Variants in CROCC observed in about 807,000 individuals in gnomAD.
The protein encoded by CROCC is rootletin.
CROCC carries 180 observed loss-of-function variants against 245.2 expected under a neutral mutation model. The observed-to-expected ratio is 0.73, with a 90% CI of 0.65 to 0.83. The LOEUF (loss-of-function observed/expected upper bound fraction) is 0.83. Among genes scored for constraint, CROCC ranks in the 40% least tolerant of loss-of-function variants. The pLI is 0.00. For synonymous variants in CROCC, 1,205 were observed against 1,241.6 expected (o/e 0.97, Z 0.62); for missense variants, 2,688 against 2,779.4 (o/e 0.97, Z 0.74).
In CROCC at chr1:16,922,035, C is replaced by T. The variant is rs368239934; in HGVS notation, c.17C>T (p.Ala6Val). The T allele has an allele frequency of 1.5e-5, 23 of 1,550,348 alleles. No homozygotes were observed. Among genetic ancestry groups the T allele is most frequent in the African/African-American group, 4.1e-5 (3 of 73,112 alleles). Reference sequence around the variant, plus strand: ...CTCCCCCCCATGAGCTTGGGGCTGGCGGGGGCACAGGAGGTGGAGCTGACA... The same window carrying T: ...CTCCCCCCCATGAGCTTGGGGCTGGTGGGGGCACAGGAGGTGGAGCTGACA... MSLGL[A>V]GAQEVELTLE... The change falls in exon 1 of 37, where the codon GCG becomes GTG. Residue 6 changes from alanine (A) to valine (V), a missense_variant. By Grantham distance (64) the Ala-to-Val change is moderately conservative. Transcript: ENST00000375541.
At chr1:16,956,183 C>T (rs1286186169) in intron 25 of CROCC, 27 bp downstream of exon 25, 4 of 1,499,594 alleles carry the variant, frequency 2.7e-6, no homozygotes, top group Non-Finnish European at 3.6e-6. Context: ...ACCCCTTAGC[C>T]TGGGGCTTGC....
rs2075934515 is a variant in CROCC, at chr1:16,941,624, TG to T, written c.1808+1533del. The stretch of plus-strand genomic sequence containing the variant: ...GCAGGCACCTATAGTCCCAGCTACT[TG>T]GAAGACTGAGGCAGGAGAATGGCCT... On this transcript the variant is annotated intron_variant, in intron 13 of 36. Transcript: ENST00000375541. 2.0e-5 allele frequency among the ~76,000 whole-genome samples: 3 copies of T among 151,268 alleles called. No individual in the cohort carries two copies. In the Admixed American group the frequency reaches 2.0e-4, roughly 10 times the overall value.
chr1:16,930,083 GC>G (rs1338647724), intron 4 of CROCC, 40 bp from the exon 5 acceptor site: 3 of 1,573,044 alleles, frequency 1.9e-6, no homozygotes, highest in Non-Finnish European at 2.6e-6. Context: ...ACTTTGCCCC[GC>G]CCCAACCCCT....
At chr1:16,939,188 G>C in intron 12 of CROCC, 46 bp downstream of exon 12, 1 of 1,312,844 alleles carries the variant, frequency 7.6e-7, no homozygotes, top group South Asian at 1.7e-5. Context: ...AGGCCTGGGG[G>C]AGGGGCTCGC....
upstream of CROCC, among the ~76,000 whole-genome samples, chr1:16,918,673 G>A (rs1286675460): frequency 1.2e-4 from 19 of 152,300 alleles, no homozygotes; most frequent in Non-Finnish European, 2.5e-4. Flanking sequence ...CTGCCTAGAG[G>A]TAGAAGAGTG....
chr1:16,964,923 C>T (rs1336613545), intron 27 of CROCC, among the ~76,000 whole-genome samples: 1 of 152,162 alleles, frequency 6.6e-6, no homozygotes, highest in African/African-American at 2.4e-5. Flanking sequence ...TCAGGTGATC[C>T]ACCTGCCTTG....
chr1:16,970,032 G>C (rs1313088042), intron 33 of CROCC, 98 bp downstream of exon 33: 1 of 1,430,862 alleles, frequency 7.0e-7, no homozygotes, highest in Non-Finnish European at 9.3e-7. Context: ...CCAAACCCTG[G>C]TGCAGCCTCC....
intron 26 of CROCC, among the ~76,000 whole-genome samples, chr1:16,960,008 T>C (rs28624493): frequency 0.17 from 25,003 of 151,346 alleles, 2,318 homozygotes; most frequent in African/African-American, 0.23. Context: ...GGCTCACACC[T>C]GTAATCCCAG....
rs1161455124 is a variant in CROCC, at chr1:16,930,225, G to C, written c.621+18G>C. ...GGCTGAGGGTGGGTGCCAGTGTGGG[G>C]CAGGGGCAGGCCCTGCCCTCCACCT... On this transcript the variant is annotated intron_variant, in intron 5 of 36. Coordinates refer to ENST00000375541, the MANE Select transcript of CROCC (RefSeq NM_014675.5). 2 of 1,586,142 alleles carry C rather than the reference G, an allele frequency of 1.3e-6. No homozygotes were observed. Among genetic ancestry groups the C allele is most frequent in the Non-Finnish European group, 1.7e-6 (2 of 1,167,052 alleles).
At chr1:16,936,072 C>T (rs559886673) in intron 8 of CROCC, among the ~76,000 whole-genome samples, 29 of 152,050 alleles carry the variant, frequency 1.9e-4, no homozygotes, top group Non-Finnish European at 3.7e-4. Context: ...TTTTTTTTTC[C>T]CCAATCTGAG....
In CROCC at chr1:16,922,036, G is replaced by A. The variant is rs572098800; in HGVS notation, c.18G>A (p.Ala6=). The part of the protein sequence containing the change: MSLGL[A]GAQEVELTLE... ...TCCCCCCCATGAGCTTGGGGCTGGCGGGGGCACAGGAGGTGGAGCTGACAC... is the reference window on the plus strand; with the variant it reads ...TCCCCCCCATGAGCTTGGGGCTGGCAGGGGCACAGGAGGTGGAGCTGACAC... The change falls in exon 1 of 37, where the codon GCG becomes GCA. Residue 6 remains alanine, a synonymous_variant. Coordinates refer to ENST00000375541, the MANE Select transcript of CROCC (RefSeq NM_014675.5). 27 of 1,550,776 alleles carry A rather than the reference G, an allele frequency of 1.7e-5. No individual in the cohort carries two copies. The highest frequency in any genetic ancestry group is 6.8e-5 in the African/African-American group (5 of 73,382).
At chr1:16,971,395 G>T in intron 35 of CROCC, 70 bp from the exon 36 acceptor site, 2 of 1,451,406 alleles carry the variant, frequency 1.4e-6, no homozygotes, top group South Asian at 1.4e-5. Context: ...GGAGGTACCT[G>T]ACAACCCGTC....
intron 5 of CROCC, 35 bp downstream of exon 5, chr1:16,930,242 CCT>C: frequency 1.3e-6 from 2 of 1,587,598 alleles, no homozygotes; most frequent in Non-Finnish European, 1.7e-6. Flanking sequence ...CAGGCCCTGC[CCT>C]CCACCTGCCC....
rs113166272 is a variant in CROCC, at chr1:16,948,640, G to A, written c.2708+116G>A. 3.0e-4 allele frequency: 454 copies of A among 1,493,748 alleles called. No individual in the cohort carries two copies. In the African/African-American group the frequency reaches 3.6e-3, roughly 12 times the overall value. 92.5% of individuals were successfully genotyped at this position (1,493,748 alleles called of 1,614,324 possible). ...CAGTTACTAAGGAGTCTGGCTTGCCGACTCGTCCTAGCTGTGGCTCAGGCT... is the reference window on the plus strand; with the variant it reads ...CAGTTACTAAGGAGTCTGGCTTGCCAACTCGTCCTAGCTGTGGCTCAGGCT... On this transcript the variant is annotated intron_variant, in intron 18 of 36. Coordinates refer to ENST00000375541, the MANE Select transcript of CROCC (RefSeq NM_014675.5).
intron 9 of CROCC, among the ~76,000 whole-genome samples, chr1:16,937,367 A>C (rs1324103933): frequency 1.4e-5 from 2 of 140,006 alleles, no homozygotes; most frequent in South Asian, 2.2e-4. Context: ...AAAAAAAAAC[A>C]AAAAAAAAGA....
chr1:16,945,125 C>T (rs7518718), intron 14 of CROCC, among the ~76,000 whole-genome samples: 8 of 152,340 alleles, frequency 5.3e-5, no homozygotes, highest in African/African-American at 1.4e-4. Context: ...CCCAGCTACT[C>T]GGGAGGCTGA....
rs777325939 is a variant in CROCC at position 16,922,054 on chromosome 1, G to A, written c.36G>A (p.Glu12=). ...GGCTGGCGGGGGCACAGGAGGTGGA[G>A]CTGACACTAGAGACGGTTATCCAGG... ...SLGLAGAQEV[E]LTLETVIQTL... is the part of the protein sequence containing the mutation. Residue 12 remains glutamate (E), a synonymous_variant, in exon 1 of 37, where the codon GAG becomes GAA. Coordinates refer to ENST00000375541, the MANE Select transcript of CROCC (RefSeq NM_014675.5). 1 of 1,550,622 alleles carries A rather than the reference G, an allele frequency of 6.4e-7. No homozygotes were observed. The highest frequency in any genetic ancestry group is 1.2e-5 in the South Asian group (1 of 83,688).
At chr1:16,936,537 G>A (rs1350555010) in intron 8 of CROCC, 100 bp from the exon 9 acceptor site, 2 of 1,245,308 alleles carry the variant, frequency 1.6e-6, no homozygotes, top group East Asian at 2.5e-5. Flanking sequence ...CTGAAGTGCT[G>A]GGATTATAGG....
In CROCC at chr1:16,964,102, A is replaced by G. The variant is rs1045132360; in HGVS notation, c.4406-1621A>G. ...AGGTCTGAGCCACCGTGCCGGGCCC[A>G]CTTTTTTCTTTTTCTTTTCTTTTCT... On this transcript the variant is annotated intron_variant, in intron 27 of 36. Transcript: ENST00000375541. 4.1e-5 allele frequency among the ~76,000 whole-genome samples: 6 copies of G among 144,776 alleles called. 1 individual carries two copies. Among genetic ancestry groups the G allele is most frequent in the African/African-American group, 1.5e-4 (6 of 39,932 alleles). The allele number at this position is 144,776 out of a possible 152,430, so 95.0% of individuals were successfully genotyped here.
Sources: allele counts gnomAD v4.1 joint callset (sites outside exome capture counted in the v4.1 genomes callset), GRCh38; gene constraint gnomAD v4.1.1; transcripts MANE v1.5; gene names NCBI Gene and HGNC (gene_info 2026-07-23, HGNC 2026-07-21).